C1orf94: variants seen among roughly 807,000 people sequenced by gnomAD.
C1orf94 encodes the protein chromosome 1 open reading frame 94.
In C1orf94, 45 loss-of-function variants were observed where a neutral mutation model predicts 53.6. That is an observed-to-expected ratio of 0.84 (90% CI 0.66 to 1.08). The LOEUF is 1.08. Ranked by LOEUF, C1orf94 falls within the 50% of genes least tolerant of loss-of-function variation. The pLI, the probability that C1orf94 is intolerant of heterozygous loss-of-function variation, is 0.00. For missense variants in C1orf94, 762 were observed against 738.9 expected, an observed-to-expected ratio of 1.03 and a Z score of -0.36; for synonymous variants, 304 against 296.1, an observed-to-expected ratio of 1.03 and a Z score of -0.27.
intron 5 of C1orf94, among the ~76,000 whole-genome samples, chr1:34,211,966 C>T (rs1642895739): frequency 1.3e-5 from 2 of 152,088 alleles, no homozygotes; most frequent in Admixed American, 6.5e-5. Context: ...ACTCTATCCC[C>T]ACTAACAACG....
At chr1:34,215,839 C>G (rs1642978924) in intron 6 of C1orf94, among the ~76,000 whole-genome samples, 1 of 152,072 alleles carries the variant, frequency 6.6e-6, no homozygotes, top group African/African-American at 2.4e-5. Context: ...AACCCCATCT[C>G]TACTAAAAAT....
intron 1 of C1orf94, among the ~76,000 whole-genome samples, chr1:34,193,276 T>C (rs891736764): frequency 3.3e-5 from 5 of 152,150 alleles, no homozygotes; most frequent in African/African-American, 1.2e-4. Context: ...TCTCCGGTAG[T>C]GTCCCTGAGG....
At chr1:34,214,906 T>C (rs1642957561) in intron 6 of C1orf94, among the ~76,000 whole-genome samples, 1 of 152,068 alleles carries the variant, frequency 6.6e-6, no homozygotes, top group Non-Finnish European at 1.5e-5. Context: ...ATGTAAGGGA[T>C]GCAAGCCTGA....
intron 6 of C1orf94, among the ~76,000 whole-genome samples, chr1:34,216,908 A>G (rs566115501): frequency 1.3e-5 from 2 of 152,184 alleles, no homozygotes; most frequent in Non-Finnish European, 2.9e-5. Context: ...GTGAAACCCC[A>G]TCTCTACCAA....
At position 34,177,534 on chromosome 1, in the gene C1orf94, A is replaced by G; in HGVS notation, c.-256A>G. On this transcript the variant is annotated 5_prime_UTR_variant, in exon 1 of 7. Coordinates refer to ENST00000488417, the MANE Select transcript of C1orf94 (RefSeq NM_001134734.2). ...TGGTTCCTGAGCTCCGCAGCATTCC[A>G]CTGTTCCTAAGCTACTGGTTTTTGT... 2.4e-6 allele frequency: 1 copy of G among 422,272 alleles called. No homozygotes were observed. Among genetic ancestry groups the G allele is most frequent in the Non-Finnish European group, 4.2e-6 (1 of 236,320 alleles). 26.2% of individuals were successfully genotyped at this position (422,272 alleles called of 1,614,324 possible).
intron 2 of C1orf94, among the ~76,000 whole-genome samples, chr1:34,199,518 G>T (rs189183197): frequency 5.9e-5 from 9 of 152,322 alleles, no homozygotes; most frequent in East Asian, 1.9e-4. Context: ...CCCCCAAGCC[G>T]CTGGGCTAGG....
intron 6 of C1orf94, among the ~76,000 whole-genome samples, chr1:34,218,099 C>T (rs1643019053): frequency 6.6e-6 from 1 of 152,138 alleles, no homozygotes. Flanking sequence ...GACGGTGAGG[C>T]TCACGTCTTA....
At chr1:34,211,209 G>A (rs959975990) in intron 5 of C1orf94, among the ~76,000 whole-genome samples, 1 of 152,136 alleles carries the variant, frequency 6.6e-6, no homozygotes, top group African/African-American at 2.4e-5. Flanking sequence ...CATCATTTAG[G>A]TATTCAAGCA....
intron 1 of C1orf94, among the ~76,000 whole-genome samples, chr1:34,191,511 A>T (rs898305868): frequency 3.3e-5 from 5 of 152,038 alleles, no homozygotes; most frequent in Non-Finnish European, 7.4e-5. Context: ...CTCTACCCAC[A>T]TAGACACATA....
chr1:34,168,148 A>C (rs985795641), intron 1 of C1orf94, among the ~76,000 whole-genome samples: 2 of 152,118 alleles, frequency 1.3e-5, no homozygotes, highest in South Asian at 4.1e-4. Flanking sequence ...GGAAGATGGG[A>C]TCTAAAATTA....
chr1:34,209,455 GA>G (rs1441421912), intron 5 of C1orf94, among the ~76,000 whole-genome samples: 1 of 151,998 alleles, frequency 6.6e-6, no homozygotes, highest in Admixed American at 6.6e-5. Context: ...GGGGTGTGAG[GA>G]AAGGAGCTTA....
At chr1:34,212,521 G>T in intron 6 of C1orf94, 115 bp downstream of exon 6, 2 of 1,082,772 alleles carry the variant, frequency 1.8e-6, no homozygotes, top group East Asian at 2.6e-5. Flanking sequence ...GCTGTGGGGT[G>T]GGATGGGCCC....
At chr1:34,176,534 G>A (rs1388063434), upstream of C1orf94, among the ~76,000 whole-genome samples, 1 of 152,148 alleles carries the variant, frequency 6.6e-6, no homozygotes, top group African/African-American at 2.4e-5. Flanking sequence ...ATCAGGCCTA[G>A]AGTGCTGGGG....
At chr1:34,206,113 C>T (rs1480128077) in intron 4 of C1orf94, among the ~76,000 whole-genome samples, 1 of 152,130 alleles carries the variant, frequency 6.6e-6, no homozygotes, top group Non-Finnish European at 1.5e-5. Context: ...ATCCACAGAG[C>T]CTAGGGCAGC....
upstream of C1orf94, among the ~76,000 whole-genome samples, chr1:34,174,307 C>A (rs12084075): frequency 0.02 from 2,990 of 152,294 alleles, 104 homozygotes; most frequent in African/African-American, 0.068. Context: ...GTTTATCTGT[C>A]AGTTGTTGTT....
intron 2 of C1orf94, among the ~76,000 whole-genome samples, chr1:34,198,116 G>A (rs568269052): frequency 1.3e-5 from 2 of 152,370 alleles, no homozygotes; most frequent in South Asian, 4.1e-4. Context: ...GCAGGGCACA[G>A]CTTTTGTAAG....
At chr1:34,188,747 G>A (rs1409595319) in intron 1 of C1orf94, among the ~76,000 whole-genome samples, 2 of 152,146 alleles carry the variant, frequency 1.3e-5, no homozygotes, top group African/African-American at 4.8e-5. Flanking sequence ...TGGGGGTGGG[G>A]AGGCCAAAGC....
intron 5 of C1orf94, among the ~76,000 whole-genome samples, chr1:34,209,855 G>A (rs1254316315): frequency 6.6e-6 from 1 of 152,106 alleles, no homozygotes; most frequent in South Asian, 2.1e-4. Context: ...ATAATTATGT[G>A]TATGTGTATG....
chr1:34,213,958 T>G (rs1264878572), intron 6 of C1orf94, among the ~76,000 whole-genome samples: 2 of 152,148 alleles, frequency 1.3e-5, no homozygotes, highest in Non-Finnish European at 2.9e-5. Flanking sequence ...TATATCATGG[T>G]GTGTTCTACC....
Sources: allele counts gnomAD v4.1 joint callset (sites outside exome capture counted in the v4.1 genomes callset), GRCh38; gene constraint gnomAD v4.1.1; transcripts MANE v1.5; gene names NCBI Gene and HGNC (gene_info 2026-07-23, HGNC 2026-07-21).